The following KCNH5 variants were observed in gnomAD, a reference collection of about 807,000 sequenced individuals.
The protein encoded by KCNH5 is potassium voltage-gated channel subfamily H member 5.
In KCNH5, 46 loss-of-function variants were observed where a neutral mutation model predicts 96.1. The ratio of observed to expected loss-of-function variants is 0.48; its 90% confidence interval spans 0.38 to 0.61. The LOEUF (loss-of-function observed/expected upper bound fraction) is 0.61, where lower values mean the gene tolerates loss of function less well. Among genes scored for constraint, KCNH5 ranks in the 20% least tolerant of loss-of-function variants. KCNH5 has a pLI of 0.00. For missense variants in KCNH5, 907 were observed against 1,225.8 expected (o/e 0.74, Z 3.88); for synonymous variants, 439 against 449.8 (o/e 0.98, Z 0.30).
In KCNH5 at chr14:62,874,917, G is replaced by A. The variant is rs987908375; in HGVS notation, c.1370-25065C>T. Among the ~76,000 whole-genome samples, 30 of 145,442 alleles carry A rather than the reference G, an allele frequency of 2.1e-4. No individual in the cohort carries two copies. In the East Asian group the frequency reaches 2.1e-3, roughly 10 times the overall value. ...AGTCAAATTGTCCCTGTTTGCAGAC[G>A]ACATCATTGTATATCTAGAAAACCC... On this transcript the variant is annotated intron_variant, in intron 7 of 10. Coordinates refer to ENST00000322893, the MANE Select transcript of KCNH5 (RefSeq NM_139318.5).
At chr14:62,752,679 T>C (rs1473884264) in intron 10 of KCNH5, among the ~76,000 whole-genome samples, 5 of 152,066 alleles carry the variant, frequency 3.3e-5, no homozygotes, top group South Asian at 2.1e-4. Context: ...CAAGTGTCAA[T>C]GGAGGGACCT....
intron 9 of KCNH5, among the ~76,000 whole-genome samples, chr14:62,801,845 G>A (rs1305616163): frequency 6.6e-6 from 1 of 152,094 alleles, no homozygotes; most frequent in Non-Finnish European, 1.5e-5. Flanking sequence ...TGATGAGGGA[G>A]AAAGTTCTGG....
At chr14:62,936,073 AAAG>A (rs1245107306) in intron 7 of KCNH5, among the ~76,000 whole-genome samples, 2 of 152,204 alleles carry the variant, frequency 1.3e-5, no homozygotes, top group Non-Finnish European at 2.9e-5. Flanking sequence ...TAAAGAAGCC[AAAG>A]AAGAAGTACT....
chr14:62,972,676 G>GA (rs562868564), intron 6 of KCNH5, among the ~76,000 whole-genome samples: 47 of 146,828 alleles, frequency 3.2e-4, no homozygotes, highest in African/African-American at 7.0e-4. Flanking sequence ...ATTCAGCACA[G>GA]AAAAAAAAAA....
chr14:62,897,854 G>A (rs1396322368), intron 7 of KCNH5, among the ~76,000 whole-genome samples: 1 of 152,092 alleles, frequency 6.6e-6, no homozygotes, highest in East Asian at 1.9e-4. Flanking sequence ...AAATTGAGGG[G>A]GAGGGGTGGT....
At chr14:62,771,379 C>A (rs1885982406) in intron 10 of KCNH5, among the ~76,000 whole-genome samples, 1 of 152,146 alleles carries the variant, frequency 6.6e-6, no homozygotes, top group Non-Finnish European at 1.5e-5. Context: ...GTAATCCCAG[C>A]ACTTTGGGAG....
At chr14:62,964,641 T>C (rs1206183096) in intron 6 of KCNH5, among the ~76,000 whole-genome samples, 1 of 152,134 alleles carries the variant, frequency 6.6e-6, no homozygotes, top group Non-Finnish European at 1.5e-5. Flanking sequence ...CTTTCTATCG[T>C]AAATTCTTTC....
At chr14:62,781,686 C>T (rs1886222285) in intron 9 of KCNH5, among the ~76,000 whole-genome samples, 1 of 152,224 alleles carries the variant, frequency 6.6e-6, no homozygotes, top group Non-Finnish European at 1.5e-5. Flanking sequence ...CCGCCGGGCT[C>T]ACCGGAGGTC....
At chr14:62,822,804 A>T (rs913886130) in intron 8 of KCNH5, among the ~76,000 whole-genome samples, 1 of 152,142 alleles carries the variant, frequency 6.6e-6, no homozygotes, top group Non-Finnish European at 1.5e-5. Context: ...GAGTAGGTAC[A>T]CACATTAAAA....
At chr14:62,776,716 T>G (rs1886105476) in intron 10 of KCNH5, among the ~76,000 whole-genome samples, 1 of 152,208 alleles carries the variant, frequency 6.6e-6, no homozygotes, top group African/African-American at 2.4e-5. Context: ...TTCGTAGAAT[T>G]TGATGGAATT....
At chr14:62,881,998 C>G (rs1888501639) in intron 7 of KCNH5, among the ~76,000 whole-genome samples, 1 of 150,076 alleles carries the variant, frequency 6.7e-6, no homozygotes, top group African/African-American at 2.5e-5. Flanking sequence ...CACAGTGGCT[C>G]AATGCCTGTA....
Position 62,774,708 on chromosome 14 carries a change from C to T in KCNH5, c.2019+5020G>A, listed in dbSNP as rs966541204. Among the ~76,000 whole-genome samples, 26 of 152,210 alleles carry T rather than the reference C, an allele frequency of 1.7e-4. No individual in the cohort carries two copies. The East Asian group carries it at 3.5e-3, about 20-fold the overall frequency. On this transcript the variant is annotated intron_variant, in intron 10 of 10. Transcript: ENST00000322893. ...CTTGAATTGGTTAAATAAATACATA[C>T]ATAAAGTAAGCAAATGAGTCAACTT...
intron 7 of KCNH5, among the ~76,000 whole-genome samples, chr14:62,905,579 T>G (rs1293767928): frequency 6.6e-6 from 1 of 152,178 alleles, no homozygotes; most frequent in Non-Finnish European, 1.5e-5. Context: ...AAGTCACCAA[T>G]GGTTAGAACA....
At chr14:62,829,210 G>A (rs778879237) in intron 8 of KCNH5, among the ~76,000 whole-genome samples, 5 of 152,102 alleles carry the variant, frequency 3.3e-5, no homozygotes, top group Non-Finnish European at 7.4e-5. Context: ...TTGAGTGCCT[G>A]TGGCCTTTCC....
At chr14:62,910,145 TACACACACACAC>T (rs111386925) in intron 7 of KCNH5, among the ~76,000 whole-genome samples, 58 of 143,944 alleles carry the variant, frequency 4.0e-4, no homozygotes, top group Non-Finnish European at 7.1e-4. Flanking sequence ...ACTAACATGT[TACACACACACAC>T]ACACACACAC....
At chr14:62,999,043 A>G (rs1029638131) in intron 4 of KCNH5, among the ~76,000 whole-genome samples, 1 of 152,192 alleles carries the variant, frequency 6.6e-6, no homozygotes, top group Non-Finnish European at 1.5e-5. Context: ...TCCTTTGGGT[A>G]TATACCCTGT....
intron 7 of KCNH5, among the ~76,000 whole-genome samples, chr14:62,867,450 C>T (rs1595662284): frequency 6.6e-6 from 1 of 152,240 alleles, no homozygotes. Flanking sequence ...CAGTTTTTAA[C>T]ATTTGCTAAT....
Position 63,014,964 on chromosome 14 carries a change from G to C in KCNH5, c.197+1867C>G, listed in dbSNP as rs556081238. Among the ~76,000 whole-genome samples the C allele has an allele frequency of 1.2e-4, 18 of 152,164 alleles. No individual in the cohort carries two copies. The South Asian group carries it at 3.5e-3, about 30-fold the overall frequency. ...CTTTTTCTAACTTAAACTGCCTTCT[G>C]GGGGATAGGAGAGGAGCAATGCTTA... On this transcript the variant is annotated intron_variant, in intron 2 of 10. Coordinates refer to ENST00000322893, the MANE Select transcript of KCNH5 (RefSeq NM_139318.5).
intron 7 of KCNH5, among the ~76,000 whole-genome samples, chr14:62,873,392 G>C (rs532112821): frequency 1.3e-5 from 2 of 152,104 alleles, no homozygotes; most frequent in Non-Finnish European, 2.9e-5. Flanking sequence ...AGTGAAAGAA[G>C]TGATTTTTGT....
Sources: gnomAD v4.1 joint callset for allele counts (sites outside exome capture counted in the v4.1 genomes callset) on GRCh38, gnomAD v4.1.1 for gene constraint, MANE v1.5 for transcripts, NCBI Gene and HGNC (gene_info 2026-07-23, HGNC 2026-07-21) for gene names.